The following NRXN3 variants were observed in gnomAD, a reference collection of about 807,000 sequenced individuals.
NRXN3 encodes neurexin III.
Under a neutral mutation model 137.6 loss-of-function variants are expected in NRXN3, and 32 were observed. The observed-to-expected ratio is 0.23, with a 90% CI of 0.18 to 0.31. The LOEUF (loss-of-function observed/expected upper bound fraction) is 0.31, where lower values mean the gene tolerates loss of function less well. NRXN3 is among the 10% of genes least tolerant of loss of function. The pLI is 1.00. For synonymous variants in NRXN3, 798 were observed against 784.5 expected (o/e 1.02, Z -0.29); for missense variants, 1,574 against 2,062.5 (o/e 0.76, Z 4.59).
intron 10 of NRXN3, among the ~76,000 whole-genome samples, chr14:78,817,326 T>C (rs2098936860): frequency 6.6e-6 from 1 of 152,108 alleles, no homozygotes; most frequent in East Asian, 1.9e-4. Flanking sequence ...AAAGTAAACG[T>C]GATGTGAACT....
Position 78,957,305 on chromosome 14 carries a change from G to A in NRXN3, c.2339G>A (p.Arg780Gln), listed in dbSNP as rs367857290. 1.5e-5 allele frequency: 24 copies of A among 1,614,014 alleles called. No individual in the cohort carries two copies. The African/African-American group carries it at 1.6e-4, about 11-fold the overall frequency. Residue 780 changes from arginine to glutamine, a missense_variant, in exon 11 of 21, where the codon CGG becomes CAG. Coordinates refer to ENST00000335750, the MANE Select transcript of NRXN3 (RefSeq NM_001330195.2). Reference protein sequence around the residue: ...KLNDNEWHTVRVVRRGKSLKL... With the variant: ...KLNDNEWHTVQVVRRGKSLKL... Reference sequence around the variant, plus strand: ...AATGACAACGAGTGGCACACCGTTCGGGTGGTGCGGAGAGGAAAAAGCCTT... The same window carrying A: ...AATGACAACGAGTGGCACACCGTTCAGGTGGTGCGGAGAGGAAAAAGCCTT...
chr14:78,214,484 G>C (rs1431157101), intron 1 of NRXN3, among the ~76,000 whole-genome samples: 1 of 152,050 alleles, frequency 6.6e-6, no homozygotes, highest in Non-Finnish European at 1.5e-5. Flanking sequence ...TAGGCTAAAA[G>C]CTCCACAAGG....
intron 4 of NRXN3, among the ~76,000 whole-genome samples, chr14:78,630,110 C>G (rs1247550663): frequency 6.6e-6 from 1 of 152,096 alleles, no homozygotes; most frequent in Non-Finnish European, 1.5e-5. Flanking sequence ...ACTAAAAGTC[C>G]TAGTGAACTT....
At chr14:78,217,190 T>A (rs2063377074) in intron 1 of NRXN3, among the ~76,000 whole-genome samples, 1 of 152,236 alleles carries the variant, frequency 6.6e-6, no homozygotes, top group African/African-American at 2.4e-5. Context: ...GTTTTTATTT[T>A]ATAAATGTAT....
At chr14:78,421,785 A>G (rs1317676814) in intron 4 of NRXN3, among the ~76,000 whole-genome samples, 1 of 152,086 alleles carries the variant, frequency 6.6e-6, no homozygotes, top group Admixed American at 6.5e-5. Flanking sequence ...CAGCCTACCA[A>G]TGTGCTAGGA....
intron 1 of NRXN3, among the ~76,000 whole-genome samples, chr14:78,220,536 G>T (rs1312616917): frequency 6.6e-6 from 1 of 152,278 alleles, no homozygotes; most frequent in East Asian, 1.9e-4. Flanking sequence ...AGAGGATGAG[G>T]ATAGAAAGGG....
intron 4 of NRXN3, among the ~76,000 whole-genome samples, chr14:78,622,250 A>C (rs2097413472): frequency 6.6e-6 from 1 of 152,184 alleles, no homozygotes; most frequent in Non-Finnish European, 1.5e-5. Context: ...AAGACAAAAC[A>C]CCCATGACTT....
chr14:79,679,459 G>T (rs1234025000), intron 17 of NRXN3, among the ~76,000 whole-genome samples: 1 of 152,034 alleles, frequency 6.6e-6, no homozygotes, highest in Non-Finnish European at 1.5e-5. Context: ...TGTTATAAAG[G>T]TTATAAGAAC....
At chr14:78,710,488 C>T (rs1294696392) in intron 7 of NRXN3, among the ~76,000 whole-genome samples, 1 of 152,112 alleles carries the variant, frequency 6.6e-6, no homozygotes, top group African/African-American at 2.4e-5. Context: ...AGGGCATTTT[C>T]CCAAGAGCAG....
chr14:79,429,770 A>T (rs116409702), intron 15 of NRXN3, among the ~76,000 whole-genome samples: 1,750 of 152,262 alleles, frequency 0.011, 36 homozygotes, highest in African/African-American at 0.038. Flanking sequence ...CACTTTCCCT[A>T]CTTACAGTGA....
intron 15 of NRXN3, among the ~76,000 whole-genome samples, chr14:79,436,235 T>G (rs1373726107): frequency 1.3e-5 from 2 of 152,226 alleles, no homozygotes; most frequent in Non-Finnish European, 2.9e-5. Flanking sequence ...AAAGCACTTC[T>G]TTCTGTCTTT....
At chr14:79,733,699 T>A (rs1025238221) in intron 19 of NRXN3, among the ~76,000 whole-genome samples, 2 of 151,650 alleles carry the variant, frequency 1.3e-5, no homozygotes, top group African/African-American at 4.8e-5. Context: ...ATAACTGTGA[T>A]TATTTTTTGA....
At chr14:78,892,327 G>T (rs2099161345) in intron 10 of NRXN3, among the ~76,000 whole-genome samples, 1 of 151,972 alleles carries the variant, frequency 6.6e-6, no homozygotes, top group African/African-American at 2.4e-5. Flanking sequence ...GTAGATTTTG[G>T]CTGATAGAAA....
chr14:78,755,295 G>A (rs1341670467), intron 8 of NRXN3, among the ~76,000 whole-genome samples: 1 of 151,870 alleles, frequency 6.6e-6, no homozygotes, highest in Non-Finnish European at 1.5e-5. Flanking sequence ...CCAAAGTGGT[G>A]GGATTACAGG....
At chr14:79,475,477 A>G (rs1251092068) in intron 16 of NRXN3, among the ~76,000 whole-genome samples, 1 of 152,140 alleles carries the variant, frequency 6.6e-6, no homozygotes. Context: ...ATATATATAA[A>G]TTGAGTTTTT....
intron 4 of NRXN3, among the ~76,000 whole-genome samples, chr14:78,598,466 C>T (rs929710300): frequency 6.6e-6 from 1 of 152,140 alleles, no homozygotes; most frequent in Non-Finnish European, 1.5e-5. Context: ...CTAGAGTAAC[C>T]CTGTACCAGC....
intron 4 of NRXN3, among the ~76,000 whole-genome samples, chr14:78,405,157 A>G (rs2092394950): frequency 6.6e-6 from 1 of 152,152 alleles, no homozygotes; most frequent in Non-Finnish European, 1.5e-5. Context: ...TTCTTCCACT[A>G]ATCTCATGCT....
intron 10 of NRXN3, among the ~76,000 whole-genome samples, chr14:78,905,364 T>G (rs1386261091): frequency 6.6e-6 from 1 of 152,138 alleles, no homozygotes; most frequent in Non-Finnish European, 1.5e-5. Flanking sequence ...TTGAATATTT[T>G]ATAGGAACAT....
chr14:78,759,656 G>A lies in NRXN3; in HGVS notation c.2045-43964G>A, dbSNP rs184837656. On this transcript the variant is annotated intron_variant, in intron 8 of 20. Coordinates refer to ENST00000335750, the MANE Select transcript of NRXN3 (RefSeq NM_001330195.2). ...AAGCAGCCATGATTTCTTGATTAGG[G>A]TTGGCATAGAAGATAAATCCTATTT... Among the ~76,000 whole-genome samples, 512 of 152,238 alleles carry A rather than the reference G, an allele frequency of 3.4e-3. 3 individuals carry two copies. Among genetic ancestry groups the A allele is most frequent in the Non-Finnish European group, 5.9e-3 (400 of 68,012 alleles).
Sources: allele counts gnomAD v4.1 joint callset (sites outside exome capture counted in the v4.1 genomes callset), GRCh38; gene constraint gnomAD v4.1.1; transcripts MANE v1.5; gene names NCBI Gene and HGNC (gene_info 2026-07-23, HGNC 2026-07-21).